The following RBPJ variants were observed in gnomAD, a reference collection of about 807,000 sequenced individuals.
RBPJ encodes the protein recombination signal binding protein for immunoglobulin kappa J region.
In RBPJ, 9 loss-of-function variants were observed where a neutral mutation model predicts 67.8. The observed-to-expected ratio is 0.13, with a 90% confidence interval of 0.08 to 0.23. RBPJ has a LOEUF of 0.23. Among genes scored for constraint, RBPJ ranks in the 10% least tolerant of loss-of-function variants. The pLI is 1.00. For synonymous variants in RBPJ, 198 were observed against 203.3 expected (o/e 0.97, Z 0.22); for missense variants, 305 against 595.6 (o/e 0.51, Z 5.08).
chr4:26,376,139 A>T (rs565065242), intron 1 of RBPJ, among the ~76,000 whole-genome samples: 1 of 152,328 alleles, frequency 6.6e-6, no homozygotes, highest in African/African-American at 2.4e-5. Context: ...TGTAAAATTA[A>T]CCATTTTAAC....
chr4:26,302,549 C>G (rs147760260), intron 1 of RBPJ, among the ~76,000 whole-genome samples: 2 of 152,238 alleles, frequency 1.3e-5, no homozygotes, highest in East Asian at 3.9e-4. Flanking sequence ...CGTTGGGGTC[C>G]TAATTCACAA....
At chr4:26,397,474 T>C (rs1048193512) in intron 2 of RBPJ, among the ~76,000 whole-genome samples, 3 of 152,214 alleles carry the variant, frequency 2.0e-5, no homozygotes, top group Admixed American at 2.0e-4. Flanking sequence ...ATTGATTTAA[T>C]TAGAATTCTG....
At chr4:26,211,278 A>T (rs959496191) in intron 1 of RBPJ, among the ~76,000 whole-genome samples, 1 of 152,170 alleles carries the variant, frequency 6.6e-6, no homozygotes, top group African/African-American at 2.4e-5. Flanking sequence ...GATATTCAAA[A>T]ATGTTAAAGA....
intron 1 of RBPJ, among the ~76,000 whole-genome samples, chr4:26,252,876 AT>A (rs1428039723): frequency 6.6e-6 from 1 of 152,234 alleles, no homozygotes; most frequent in Non-Finnish European, 1.5e-5. Context: ...AAATGGGCAT[AT>A]TAGAAAGCCT....
chr4:26,287,050 G>A (rs1221279018), intron 1 of RBPJ, among the ~76,000 whole-genome samples: 2 of 152,146 alleles, frequency 1.3e-5, no homozygotes, highest in Non-Finnish European at 2.9e-5. Context: ...GCCTCCCAAA[G>A]TGCTGGGATT....
At chr4:26,197,460 G>C (rs1717809857) in intron 1 of RBPJ, among the ~76,000 whole-genome samples, 1 of 152,182 alleles carries the variant, frequency 6.6e-6, no homozygotes, top group South Asian at 2.1e-4. Context: ...AGTGGGCCAA[G>C]GAGCCAGCTC....
Position 26,430,963 on chromosome 4 carries a change from A to G in RBPJ, c.1420A>G (p.Asn474Asp), listed in dbSNP as rs1219851973. Residue 474 changes from asparagine to aspartate, a missense_variant, in exon 11 of 11, where the codon AAT becomes GAT. Around this residue, in one of 7 missense-constraint regions of RBPJ, gnomAD observed 51 missense variants for 52.8 expected, o/e 0.97. Transcript: ENST00000355476. This position sits in a 1 kb window ranked among gnomAD's most constrained non-coding sequence, Gnocchi z 4.1. The stretch of plus-strand genomic sequence containing the variant: ...GGGAAGTTACACAAACGCCAGCACA[A>G]ATTCAACCAGTGTCACATCATCTAC... ...SEGSYTNASTNSTSVTSSTAT... is the reference protein window; with the variant it reads ...SEGSYTNASTDSTSVTSSTAT... The G allele has an allele frequency of 1.9e-6, 3 of 1,614,080 alleles. No individual in the cohort carries two copies. Among genetic ancestry groups the G allele is most frequent in the Non-Finnish European group, 2.5e-6 (3 of 1,180,010 alleles).
At chr4:26,425,314 G>C (rs972690577) in intron 7 of RBPJ, among the ~76,000 whole-genome samples, 1 of 152,152 alleles carries the variant, frequency 6.6e-6, no homozygotes, top group African/African-American at 2.4e-5. Flanking sequence ...GGCCACGCAT[G>C]GTGACTCACA....
intron 1 of RBPJ, among the ~76,000 whole-genome samples, chr4:26,274,592 C>T (rs1186402271): frequency 1.3e-5 from 2 of 151,942 alleles, no homozygotes; most frequent in Non-Finnish European, 2.9e-5. Flanking sequence ...GTCATGCCAC[C>T]GCATTCCAGC....
At chr4:26,304,695 T>C (rs919152237) in intron 1 of RBPJ, among the ~76,000 whole-genome samples, 3 of 152,166 alleles carry the variant, frequency 2.0e-5, no homozygotes. Flanking sequence ...CGATTTGTCT[T>C]TTTATTATTC....
At chr4:26,386,851 A>G (rs779598580) in intron 2 of RBPJ, among the ~76,000 whole-genome samples, 17 of 152,200 alleles carry the variant, frequency 1.1e-4, no homozygotes, top group Admixed American at 2.0e-4. Flanking sequence ...TGAATGTTGA[A>G]AGTATTGGTC....
chr4:26,204,198 T>G (rs1048873778), intron 1 of RBPJ, among the ~76,000 whole-genome samples: 3 of 152,198 alleles, frequency 2.0e-5, no homozygotes, highest in African/African-American at 7.2e-5. Context: ...TCCTTCCGCC[T>G]TGGCCTCCCA....
In RBPJ at chr4:26,290,317, T is replaced by TA. The variant is rs35451160; in HGVS notation, c.-166-72109dup. On this transcript the variant is annotated intron_variant, in intron 1 of 4. Coordinates refer to the RBPJ transcript ENST00000512351. ...TTGCACCACAGAACGAGACCCTGTC[T>TA]AAAAAAAAAAAAAAAAAAAAGTAAA... Among the ~76,000 whole-genome samples, 596 of 109,338 alleles carry TA rather than the reference T, an allele frequency of 5.5e-3. 7 individuals carry two copies. Among genetic ancestry groups the TA allele is most frequent in the African/African-American group, 0.018 (483 of 26,592 alleles). The allele number at this position is 109,338 out of a possible 152,430, so 71.7% of individuals were successfully genotyped here. A position where few individuals can be genotyped will look rare whatever the true frequency, so the allele number is the denominator to read the frequency against.
intron 2 of RBPJ, among the ~76,000 whole-genome samples, chr4:26,403,654 C>T (rs758107870): frequency 2.5e-4 from 38 of 151,980 alleles, no homozygotes; most frequent in Non-Finnish European, 2.9e-5. Context: ...TTTGTTCCTG[C>T]GTTAGTTTGC....
intron 1 of RBPJ, among the ~76,000 whole-genome samples, chr4:26,385,774 C>CT (rs566748262): frequency 0.018 from 2,615 of 149,190 alleles, 90 homozygotes; most frequent in African/African-American, 0.061. Flanking sequence ...TTTTTCTTTT[C>CT]TTTTTTTTTA....
At chr4:26,144,902 G>A in the RBPJ span, among the ~76,000 whole-genome samples, 5 of 152,198 alleles carry the variant, frequency 3.3e-5, no homozygotes, top group African/African-American at 1.2e-4. Context: ...GTCTTCACTC[G>A]AATTTATGTC....
At chr4:26,241,123 G>A (rs1719621887) in intron 1 of RBPJ, among the ~76,000 whole-genome samples, 1 of 151,772 alleles carries the variant, frequency 6.6e-6, no homozygotes, top group Non-Finnish European at 1.5e-5. Context: ...CTTGAGCCTG[G>A]GAATCCGAGG....
At chr4:26,307,861 A>G (rs1467456738) in intron 1 of RBPJ, among the ~76,000 whole-genome samples, 1 of 152,244 alleles carries the variant, frequency 6.6e-6, no homozygotes, top group Non-Finnish European at 1.5e-5. Context: ...TTTATTAACC[A>G]TCCTTCCATA....
chr4:26,423,436 T>C (rs1192369551), intron 5 of RBPJ, among the ~76,000 whole-genome samples: 1 of 152,202 alleles, frequency 6.6e-6, no homozygotes, highest in African/African-American at 2.4e-5. Flanking sequence ...TACTAGTTGA[T>C]TGCTCAGAGC....
Sources: gnomAD v4.1 joint callset for allele counts (sites outside exome capture counted in the v4.1 genomes callset) on GRCh38, gnomAD v4.1.1 for gene constraint, gnomAD v4.1.1 regional missense constraint, Gnocchi (gnomAD v3.1) non-coding constraint, MANE v1.5 for transcripts, NCBI Gene and HGNC (gene_info 2026-07-23, HGNC 2026-07-21) for gene names.